LACRT: variants seen among roughly 807,000 people sequenced by gnomAD.
LACRT encodes extracellular glycoprotein lacritin.
A neutral mutation model predicts 14.5 loss-of-function variants in LACRT; 14 were observed. That is an observed-to-expected ratio of 0.96 (90% CI 0.64 to 1.51). LACRT has a LOEUF of 1.51. LACRT is among the 40% of genes most tolerant of loss of function. The pLI, the probability that LACRT is intolerant of heterozygous loss-of-function variation, is 0.00. For synonymous variants in LACRT, 70 were observed against 63.5 expected (o/e 1.10, Z -0.48); for missense variants, 156 against 161.8 (o/e 0.96, Z 0.19).
In LACRT at chr12:54,630,842, A is replaced by G. The variant is rs1445020083; in HGVS notation, c.*50T>C. Reference sequence around the variant, plus strand: ...GCTTTCGTTTTAATAGCTCTGGGCTACAAGGGTATTTAAGGCTTTAAGTCC... The same window carrying G: ...GCTTTCGTTTTAATAGCTCTGGGCTGCAAGGGTATTTAAGGCTTTAAGTCC... On this transcript the variant is annotated 3_prime_UTR_variant, in exon 5 of 5. Coordinates refer to ENST00000257867, the MANE Select transcript of LACRT (RefSeq NM_033277.2). The G allele has an allele frequency of 7.4e-7, 1 of 1,354,438 alleles. No individual in the cohort carries two copies. Among genetic ancestry groups the G allele is most frequent in the Non-Finnish European group, 1.1e-6 (1 of 943,890 alleles). 83.9% of individuals were successfully genotyped at this position (1,354,438 alleles called of 1,614,324 possible).
chr12:54,633,857 C>A (rs911369195), intron 1 of LACRT, among the ~76,000 whole-genome samples: 23 of 152,048 alleles, frequency 1.5e-4, no homozygotes, highest in African/African-American at 4.4e-4. Context: ...TCCGCATGTG[C>A]ATGGAAGGCC....
At position 54,633,927 on chromosome 12, in the gene LACRT, C is replaced by T. The variant is rs114339039; in HGVS notation, c.59-694G>A. Among the ~76,000 whole-genome samples, 1,387 of 151,984 alleles carry T rather than the reference C, an allele frequency of 9.1e-3. 30 individuals carry two copies. The highest frequency in any genetic ancestry group is 0.031 in the African/African-American group (1,279 of 41,430). ...AGATGAAAAATCATTGGCCAGGTGA[C>T]ATTAGAGTTGGTTGGGGGAAGGGGC... On this transcript the variant is annotated intron_variant, in intron 1 of 4. Transcript: ENST00000257867.
At chr12:54,632,055 G>A in intron 3 of LACRT, 186 bp downstream of exon 3, 1 of 704,616 alleles carries the variant, frequency 1.4e-6, no homozygotes, top group South Asian at 1.9e-5. Context: ...TGTGCAGGCT[G>A]CAACATCTAC....
At chr12:54,632,173 G>A in intron 3 of LACRT, 68 bp downstream of exon 3, 1 of 1,563,758 alleles carries the variant, frequency 6.4e-7, no homozygotes, top group Non-Finnish European at 8.8e-7. Context: ...TGTGCGTGGA[G>A]GTGTGATGTG....
At position 54,632,378 on chromosome 12, in the gene LACRT, T is replaced by G; in HGVS notation, c.116A>C (p.Lys39Thr). ...TGGACCTGAGATCTCTTCATTAGGC[T>G]TAGCTGTGAATGCACAAATTGATGG... Reference protein sequence around the residue: ...ADPAQEAGTSKPNEEISGPAE... With the variant: ...ADPAQEAGTSTPNEEISGPAE... The change falls in exon 3 of 5, where the codon AAG becomes ACG. Residue 39 changes from lysine to threonine, a missense_variant. Coordinates refer to ENST00000257867, the MANE Select transcript of LACRT (RefSeq NM_033277.2). 2 of 1,613,796 alleles carry G rather than the reference T, an allele frequency of 1.2e-6. No individual in the cohort carries two copies. The highest frequency in any genetic ancestry group is 2.2e-5 in the South Asian group (2 of 91,024).
chr12:54,631,068 G>A (rs955067849), intron 4 of LACRT, 115 bp from the exon 5 acceptor site: 3 of 694,036 alleles, frequency 4.3e-6, no homozygotes, highest in Non-Finnish European at 7.5e-6. Flanking sequence ...CTCTGGAGAG[G>A]CTTACACAGA....
At chr12:54,633,363 G>T (rs1958166129) in intron 1 of LACRT, 130 bp from the exon 2 acceptor site, 1 of 790,224 alleles carries the variant, frequency 1.3e-6, no homozygotes, top group Non-Finnish European at 2.1e-6. Flanking sequence ...ATTTCCCTTT[G>T]GGTTGGACAT....
Position 54,633,210 on chromosome 12 carries a change from CCGT to C in LACRT, c.79_81del (p.Thr27del), listed in dbSNP as rs1958164872. 2 of 1,613,904 alleles carry C rather than the reference CCGT, an allele frequency of 1.2e-6. No homozygotes were observed. The highest frequency in any genetic ancestry group is 1.7e-6 in the Non-Finnish European group (2 of 1,179,936). On this transcript the variant is annotated inframe_deletion, in exon 2 of 5. Coordinates refer to ENST00000257867, the MANE Select transcript of LACRT (RefSeq NM_033277.2). ...CCAGCTTCCTGGGCAGGATCAGCACCCGTCGAGTCAGAGGAGGCATCTTCTGCA... is the reference window on the plus strand; with the variant it reads ...CCAGCTTCCTGGGCAGGATCAGCACCCGAGTCAGAGGAGGCATCTTCTGCA...
Position 54,634,788 on chromosome 12 carries a change from A to G in LACRT, c.54T>C (p.Tyr18=). Residue 18 remains tyrosine (Y), a synonymous_variant, in exon 1 of 5, where the codon TAT becomes TAC. Coordinates refer to ENST00000257867, the MANE Select transcript of LACRT (RefSeq NM_033277.2). Reference sequence around the variant, plus strand: ...CAGAGGAAAGGCCATACTCACCAGCATAGACCAGGGCCCCTGCTACAGCTG... The same window carrying G: ...CAGAGGAAAGGCCATACTCACCAGCGTAGACCAGGGCCCCTGCTACAGCTG... ...FLAAVAGALV[Y]AEDASSDSTG... The G allele has an allele frequency of 1.2e-6, 2 of 1,613,828 alleles. No homozygotes were observed. The highest frequency in any genetic ancestry group is 2.2e-5 in the East Asian group (1 of 44,880).
At chr12:54,631,407 T>G (rs996459484) in intron 4 of LACRT, among the ~76,000 whole-genome samples, 7 of 152,122 alleles carry the variant, frequency 4.6e-5, no homozygotes, top group Non-Finnish European at 1.0e-4. Context: ...GCCTGGCTAA[T>G]TTTTGTATTT....
chr12:54,632,254 T>G lies in LACRT; in HGVS notation c.240A>C (p.Glu80Asp). ...GTAKVTSSRQ[E>D]LNPLKSIVEK... ...ACAGAGACTTACTCAGGGGGTTTAG[T>G]TCCTGCCTGCTTGAGGTGACCTTGG... The change falls in exon 3 of 5, where the codon GAA (glutamate) becomes GAC (aspartate). Residue 80 changes from glutamate (E) to aspartate (D), a missense_variant. By Grantham distance (45) the Glu-to-Asp change is conservative (BLOSUM62 2). Transcript: ENST00000257867. 3 of 1,614,058 alleles carry G rather than the reference T, an allele frequency of 1.9e-6. No homozygotes were observed. The African/African-American group carries it at 4.0e-5, about 22-fold the overall frequency.
At chr12:54,633,143 C>T (rs748966251) in intron 2 of LACRT, 37 bp downstream of exon 2, 1 of 1,607,158 alleles carries the variant, frequency 6.2e-7, no homozygotes, top group Admixed American at 1.7e-5. Context: ...TAAACCTTCC[C>T]AACGAGGGCT....
chr12:54,631,891 G>A, intron 3 of LACRT, 52 bp from the exon 4 acceptor site: 1 of 1,337,302 alleles, frequency 7.5e-7, no homozygotes, highest in African/African-American at 1.4e-5. Context: ...CTCATTTAAA[G>A]AGAACTCTGC....
chr12:54,632,224 TAGAG>T lies in LACRT; in HGVS notation c.253+13_253+16del. ...ACTTTTCTAGGTTGTTGATCTGGCA[TAGAG>T]ACAGAGACTTACTCAGGGGGTTTAG... is the stretch of plus-strand genomic sequence containing the variant. On this transcript the variant is annotated intron_variant, in intron 3 of 4. Coordinates refer to ENST00000257867, the MANE Select transcript of LACRT (RefSeq NM_033277.2). 1 of 1,613,816 alleles carries T rather than the reference TAGAG, an allele frequency of 6.2e-7. No individual in the cohort carries two copies. The highest frequency in any genetic ancestry group is 8.5e-7 in the Non-Finnish European group (1 of 1,179,790).
intron 4 of LACRT, 104 bp downstream of exon 4, chr12:54,631,634 A>G (rs111586298): frequency 3.3e-4 from 263 of 808,520 alleles, no homozygotes; most frequent in South Asian, 5.0e-4. Flanking sequence ...CAAGTCTCAT[A>G]TGTGAGGTGG....
intron 1 of LACRT, among the ~76,000 whole-genome samples, chr12:54,634,395 A>G (rs1958174580): frequency 2.7e-5 from 4 of 150,436 alleles, no homozygotes; most frequent in African/African-American, 9.8e-5. Flanking sequence ...CCTAAGAGAC[A>G]CAGCCAGGGG....
rs1454493205 is a variant in LACRT, at chr12:54,632,482, A to G, written c.113-101T>C. 8.9e-6 allele frequency: 12 copies of G among 1,349,890 alleles called. No homozygotes were observed. The East Asian group carries it at 2.5e-4, about 29-fold the overall frequency. The allele number at this position is 1,349,890 out of a possible 1,614,324, so 83.6% of individuals were successfully genotyped here. On this transcript the variant is annotated intron_variant, in intron 2 of 4. Transcript: ENST00000257867. ...GGATACCTAATGTGTGCTGGGTGCCAGGATACAGAAGTGATATGGCTTAAA... is the reference window on the plus strand; with the variant it reads ...GGATACCTAATGTGTGCTGGGTGCCGGGATACAGAAGTGATATGGCTTAAA...
intron 4 of LACRT, 116 bp downstream of exon 4, chr12:54,631,622 T>C: frequency 1.3e-6 from 1 of 756,158 alleles, no homozygotes; most frequent in Non-Finnish European, 2.3e-6. Context: ...CTGTGGCAAT[T>C]CCAAGTCTCA....
intron 4 of LACRT, 83 bp from the exon 5 acceptor site, chr12:54,631,036 C>A: frequency 1.2e-6 from 1 of 861,604 alleles, no homozygotes; most frequent in Non-Finnish European, 1.9e-6. Flanking sequence ...AATTCCATCT[C>A]TGCTTTCCAG....
Sources: allele counts gnomAD v4.1 joint callset (sites outside exome capture counted in the v4.1 genomes callset), GRCh38; gene constraint gnomAD v4.1.1; transcripts MANE v1.5; gene names NCBI Gene and HGNC (gene_info 2026-07-23, HGNC 2026-07-21).